NPAS3: variants seen among roughly 807,000 people sequenced by gnomAD.
NPAS3 encodes neuronal PAS domain-containing protein 3.
A neutral mutation model predicts 73.1 loss-of-function variants in NPAS3; 14 were observed. The ratio of observed to expected loss-of-function variants is 0.19; its 90% CI spans 0.13 to 0.30. NPAS3 has a LOEUF of 0.30. Ranked by LOEUF, NPAS3 falls within the 10% of genes least tolerant of loss-of-function variation. NPAS3 has a pLI of 1.00. For missense variants in NPAS3, 1,096 were observed against 1,250.0 expected (o/e 0.88, Z 1.86); for synonymous variants, 620 against 541.5 (o/e 1.14, Z -2.01).
chr14:33,461,832 T>G (rs567294604), intron 4 of NPAS3, among the ~76,000 whole-genome samples: 62 of 152,296 alleles, frequency 4.1e-4, no homozygotes, highest in African/African-American at 1.4e-3. Flanking sequence ...TACCATTTCC[T>G]CTGGGGGCAG....
intron 3 of NPAS3, among the ~76,000 whole-genome samples, chr14:33,312,395 TTGTG>T (rs140992867): frequency 6.6e-6 from 1 of 150,892 alleles, no homozygotes; most frequent in Admixed American, 6.6e-5. Flanking sequence ...ACAATTTTTA[TTGTG>T]TGTGTGTGTG....
intron 1 of NPAS3, among the ~76,000 whole-genome samples, chr14:32,941,101 A>G (rs1259331085): frequency 6.6e-6 from 1 of 152,204 alleles, no homozygotes; most frequent in Non-Finnish European, 1.5e-5. Context: ...ATAATTTCTC[A>G]GAGCATTGTG....
intron 2 of NPAS3, among the ~76,000 whole-genome samples, chr14:33,121,853 T>A (rs1272429376): frequency 6.6e-6 from 1 of 152,128 alleles, no homozygotes; most frequent in African/African-American, 2.4e-5. Context: ...TTTCTAAGGA[T>A]TTGATTATAC....
chr14:33,526,907 C>T (rs17101454), intron 4 of NPAS3, among the ~76,000 whole-genome samples: 2,210 of 152,174 alleles, frequency 0.015, 59 homozygotes, highest in African/African-American at 0.049. Flanking sequence ...TCATTCATTT[C>T]TGTTATGAGA....
intron 4 of NPAS3, among the ~76,000 whole-genome samples, chr14:33,489,319 T>A (rs2051774111): frequency 6.6e-6 from 1 of 152,228 alleles, no homozygotes; most frequent in African/African-American, 2.4e-5. Flanking sequence ...TGGTAAACAA[T>A]AACTACAGTA....
intron 7 of NPAS3, among the ~76,000 whole-genome samples, chr14:33,748,007 G>A (rs2061855243): frequency 6.6e-6 from 1 of 152,112 alleles, no homozygotes; most frequent in African/African-American, 2.4e-5. Flanking sequence ...TTTTATACAT[G>A]TATTTGTACA....
chr14:32,954,287 G>A (rs886197296), intron 1 of NPAS3, among the ~76,000 whole-genome samples: 3 of 151,968 alleles, frequency 2.0e-5, no homozygotes, highest in African/African-American at 7.3e-5. Context: ...TATCACTGTT[G>A]GTGTTTGTCC....
rs138631994 is a variant in NPAS3, at chr14:33,122,138, T to C, written c.140+66144T>C. 4.9e-4 allele frequency among the ~76,000 whole-genome samples: 75 copies of C among 152,148 alleles called. 1 individual carries two copies. In the East Asian group the frequency reaches 0.015, roughly 29 times the overall value. ...TTTTCTGTTGGTGTAGATGTTCACT[T>C]AGAAACAGCACTGGGCTGTAAAGGG... is the stretch of plus-strand genomic sequence containing the variant. On this transcript the variant is annotated intron_variant, in intron 2 of 11. Coordinates refer to ENST00000356141, the Ensembl canonical transcript of NPAS3.
At chr14:33,047,106 T>A (rs918414599) in intron 1 of NPAS3, among the ~76,000 whole-genome samples, 1 of 152,170 alleles carries the variant, frequency 6.6e-6, no homozygotes, top group African/African-American at 2.4e-5. Flanking sequence ...CGTTGGCATA[T>A]AAGGTAAAAT....
At chr14:33,645,805 A>G (rs2058812940) in intron 5 of NPAS3, among the ~76,000 whole-genome samples, 1 of 152,250 alleles carries the variant, frequency 6.6e-6, no homozygotes, top group Non-Finnish European at 1.5e-5. Context: ...CAATTCAAAA[A>G]TGAGAAGAGC....
At chr14:33,115,988 A>G (rs2043052570) in intron 2 of NPAS3, among the ~76,000 whole-genome samples, 1 of 152,054 alleles carries the variant, frequency 6.6e-6, no homozygotes, top group Admixed American at 6.6e-5. Flanking sequence ...TACTTCAACA[A>G]TCATGTTTCT....
chr14:33,330,183 C>T (rs2043918158), intron 3 of NPAS3, among the ~76,000 whole-genome samples: 1 of 152,106 alleles, frequency 6.6e-6, no homozygotes, highest in Non-Finnish European at 1.5e-5. Flanking sequence ...GCAGAAGCTG[C>T]AGTGAGCCAA....
intron 4 of NPAS3, among the ~76,000 whole-genome samples, chr14:33,517,059 G>A (rs1230116132): frequency 1.3e-5 from 2 of 152,110 alleles, no homozygotes; most frequent in African/African-American, 4.8e-5. Flanking sequence ...TGACATGGTT[G>A]ATGGAGGAAA....
intron 4 of NPAS3, among the ~76,000 whole-genome samples, chr14:33,487,419 G>A (rs565638067): frequency 6.6e-6 from 1 of 152,268 alleles, no homozygotes; most frequent in African/African-American, 2.4e-5. Context: ...ATCAATATCA[G>A]TTTAATCCCA....
chr14:33,795,236 C>T (rs1214625482), intron 10 of NPAS3, among the ~76,000 whole-genome samples: 1 of 152,148 alleles, frequency 6.6e-6, no homozygotes, highest in East Asian at 1.9e-4. Flanking sequence ...TTAAAAGAGT[C>T]TTCATTTATC....
chr14:33,135,359 T>G (rs2043793256), intron 2 of NPAS3, among the ~76,000 whole-genome samples: 1 of 152,206 alleles, frequency 6.6e-6, no homozygotes, highest in Non-Finnish European at 1.5e-5. Context: ...TGAAATGTGT[T>G]TCTTCTTGGC....
chr14:33,188,030 T>C (rs2046042404), intron 2 of NPAS3, among the ~76,000 whole-genome samples: 2 of 152,202 alleles, frequency 1.3e-5, no homozygotes, highest in South Asian at 2.1e-4. Flanking sequence ...AACTTGCCTA[T>C]GATTACATAG....
At chr14:33,048,393 G>A (rs1026763814) in intron 1 of NPAS3, among the ~76,000 whole-genome samples, 1 of 152,160 alleles carries the variant, frequency 6.6e-6, no homozygotes, top group Non-Finnish European at 1.5e-5. Flanking sequence ...ACAAAGGGTG[G>A]GCATTTTACA....
At chr14:33,692,158 A>G (rs2060253278) in intron 6 of NPAS3, among the ~76,000 whole-genome samples, 1 of 152,166 alleles carries the variant, frequency 6.6e-6, no homozygotes. Context: ...GAGCGCAGGC[A>G]ATGCCCCACA....
Sources: allele counts gnomAD v4.1 joint callset (sites outside exome capture counted in the v4.1 genomes callset), GRCh38; gene constraint gnomAD v4.1.1; transcripts MANE v1.5; gene names NCBI Gene and HGNC (gene_info 2026-07-23, HGNC 2026-07-21).